Variants in RIBC2 observed in about 807,000 individuals in gnomAD.
The protein encoded by RIBC2 is RIB43A-like with coiled-coils protein 2.
Under a neutral mutation model 44.3 loss-of-function variants are expected in RIBC2, and 40 were observed. The observed-to-expected ratio is 0.90, with a 90% CI of 0.70 to 1.18. The LOEUF is 1.18. Ranked by LOEUF, RIBC2 falls within the 50% of genes most tolerant of loss-of-function variation. RIBC2 has a pLI of 0.00. For synonymous variants in RIBC2, 171 were observed against 175.0 expected, an observed-to-expected ratio of 0.98 and a Z score of 0.18; for missense variants, 459 against 485.5, an observed-to-expected ratio of 0.95 and a Z score of 0.51.
At chr22:45,430,636 C>T (rs1395020386) in intron 5 of RIBC2, among the ~76,000 whole-genome samples, 1 of 152,172 alleles carries the variant, frequency 6.6e-6, no homozygotes, top group Non-Finnish European at 1.5e-5. Context: ...GTGGAGGCTG[C>T]TGTAGGAATT....
At chr22:45,421,335 A>AATACTATTAT (rs1569208666) in intron 3 of RIBC2, among the ~76,000 whole-genome samples, 21 of 25,882 alleles carry the variant, frequency 8.1e-4, no homozygotes, top group Middle Eastern at 0.026. Context: ...ACTATTATTA[A>AATACTATTAT]TAATAATAAT....
intron 1 of RIBC2, 147 bp downstream of exon 1, chr22:45,414,162 C>T (rs943870556): frequency 4.1e-6 from 6 of 1,478,236 alleles, no homozygotes; most frequent in Admixed American, 2.5e-5. Flanking sequence ...TGCTCCCTCT[C>T]GAGCTCGCCT....
intron 4 of RIBC2, among the ~76,000 whole-genome samples, chr22:45,425,583 A>T (rs1004791068): frequency 3.9e-5 from 6 of 152,204 alleles, no homozygotes; most frequent in Admixed American, 6.5e-5. Flanking sequence ...CAGCCCACAG[A>T]TGTCCAAGGG....
Position 45,417,807 on chromosome 22 carries a change from G to A in RIBC2, c.417G>A (p.Thr139=), listed in dbSNP as rs12172195. Residue 139 remains threonine, a synonymous_variant, in exon 3 of 7, where the codon ACG becomes ACA. Coordinates refer to ENST00000614167, the MANE Select transcript of RIBC2 (RefSeq NM_015653.5). Reference sequence around the variant, plus strand: ...AGTCAGATAATGATGTTCGGAATACGATATCAGGAATGCAGAAATTCATGG... The same window carrying A: ...AGTCAGATAATGATGTTCGGAATACAATATCAGGAATGCAGAAATTCATGG... ...ARQSDNDVRN[T]ISGMQKFMGE... 233,868 of 1,613,874 alleles carry A rather than the reference G, an allele frequency of 0.14. 17,704 individuals carry two copies. Among genetic ancestry groups the A allele is most frequent in the Middle Eastern group, 0.22 (1,339 of 6,062 alleles).
chr22:45,431,945 C>T (rs2087584039), intron 6 of RIBC2, among the ~76,000 whole-genome samples: 1 of 152,182 alleles, frequency 6.6e-6, no homozygotes, highest in Non-Finnish European at 1.5e-5. Flanking sequence ...TGCACTCCAC[C>T]CTGGGTGGCA....
At chr22:45,419,968 G>A (rs1211173354) in intron 3 of RIBC2, among the ~76,000 whole-genome samples, 1 of 152,208 alleles carries the variant, frequency 6.6e-6, no homozygotes, top group East Asian at 1.9e-4. Context: ...GGAGCTTGCA[G>A]TGAGCTGAGA....
intron 4 of RIBC2, among the ~76,000 whole-genome samples, chr22:45,423,887 T>G (rs1479488919): frequency 3.3e-5 from 5 of 152,154 alleles, no homozygotes; most frequent in African/African-American, 1.2e-4. Context: ...CCCTTGACAA[T>G]TAGTCCACTG....
rs59918831 is a variant in RIBC2 at position 45,415,603 on chromosome 22, GTA to G, written c.211+1221_211+1222del. 4.8e-3 allele frequency among the ~76,000 whole-genome samples: 716 copies of G among 149,226 alleles called. 6 individuals carry two copies. Among genetic ancestry groups the G allele is most frequent in the Middle Eastern group, 0.014 (4 of 288 alleles). On this transcript the variant is annotated intron_variant, in intron 2 of 6. Transcript: ENST00000614167. ...TGAGAATTGTGTTTTTTATATATGT[GTA>G]TATATATATATATATATATAACAAC...
intron 6 of RIBC2, 140 bp downstream of exon 6, chr22:45,431,206 T>G: frequency 2.0e-6 from 2 of 1,017,278 alleles, no homozygotes; most frequent in Non-Finnish European, 2.8e-6. Flanking sequence ...GGACCTCAAG[T>G]GGGCTGGCTT....
At chr22:45,419,904 T>TA (rs770824154) in intron 3 of RIBC2, among the ~76,000 whole-genome samples, 7 of 152,218 alleles carry the variant, frequency 4.6e-5, no homozygotes, top group Non-Finnish European at 8.8e-5. Context: ...CGGGTGCCTG[T>TA]AGTCCCAGCT....
At chr22:45,414,197 C>G (rs984691919) in intron 1 of RIBC2, 125 bp from the exon 2 acceptor site, 1 of 1,480,730 alleles carries the variant, frequency 6.8e-7, no homozygotes, top group Admixed American at 2.5e-5. Flanking sequence ...TTCTCCTCCC[C>G]TGAGCCAGAT....
chr22:45,420,171 C>A (rs1388357413), intron 3 of RIBC2, among the ~76,000 whole-genome samples: 1 of 152,202 alleles, frequency 6.6e-6, no homozygotes, highest in Non-Finnish European at 1.5e-5. Flanking sequence ...ATGCTGCCCT[C>A]TCACTCCATT....
intron 2 of RIBC2, among the ~76,000 whole-genome samples, chr22:45,415,710 T>A (rs2087418556): frequency 6.6e-6 from 1 of 152,158 alleles, no homozygotes; most frequent in Admixed American, 6.5e-5. Context: ...TTTTTTCTAT[T>A]TTCTTTTGAG....
chr22:45,421,634 G>C (rs1239747971), intron 3 of RIBC2, among the ~76,000 whole-genome samples: 2 of 149,586 alleles, frequency 1.3e-5, no homozygotes, highest in East Asian at 2.0e-4. Flanking sequence ...CTGCAAAGGA[G>C]GTATGTCCTG....
chr22:45,422,343 C>T lies in RIBC2; in HGVS notation c.610C>T (p.Gln204Ter), dbSNP rs1602116155. 6.2e-7 allele frequency: 1 copy of T among 1,614,098 alleles called. No individual in the cohort carries two copies. The highest frequency in any genetic ancestry group is 2.2e-5 in the East Asian group (1 of 44,886). ...LQFDETAKHL[Q>*]KLESTTRKAV... ...GTTTGACGAGACAGCCAAGCACCTC[C>T]AGAAGCTGGAAAGCACCACCAGAAA... Residue 204 changes from glutamine to a stop codon, truncating the protein, a stop_gained, in exon 4 of 7, where the codon CAG becomes TAG. Coordinates refer to ENST00000614167, the MANE Select transcript of RIBC2 (RefSeq NM_015653.5). LOFTEE classifies it high-confidence loss of function.
intron 2 of RIBC2, among the ~76,000 whole-genome samples, chr22:45,415,512 T>C (rs1602110242): frequency 6.6e-6 from 1 of 152,196 alleles, no homozygotes; most frequent in South Asian, 2.1e-4. Context: ...CAGGTACATA[T>C]GTACCCACCA....
chr22:45,425,902 C>T (rs1245866640), intron 4 of RIBC2, 46 bp from the exon 5 acceptor site: 34 of 1,537,368 alleles, frequency 2.2e-5, no homozygotes, highest in Non-Finnish European at 2.8e-5. Flanking sequence ...TCAGAATGCC[C>T]CTGGGGTCAC....
chr22:45,418,038 T>TA (rs2087443759), intron 3 of RIBC2, 92 bp downstream of exon 3: 3 of 936,860 alleles, frequency 3.2e-6, no homozygotes, highest in Non-Finnish European at 4.7e-6. Flanking sequence ...CCCTACAGTT[T>TA]TTTTTTTTTT....
rs1432293646 is a variant in RIBC2 at position 45,419,110 on chromosome 22, TC to T, written c.556+1165del. On this transcript the variant is annotated intron_variant, in intron 3 of 6. Coordinates refer to ENST00000614167, the MANE Select transcript of RIBC2 (RefSeq NM_015653.5). ...CAGTGCTCTCCTCTACCAGCTAAAC[TC>T]ACCCGAGTGATCTTGTCCGGTCTCA... Among the ~76,000 whole-genome samples, 8 of 152,340 alleles carry T rather than the reference TC, an allele frequency of 5.3e-5. No homozygotes were observed. The South Asian group carries it at 8.3e-4, about 16-fold the overall frequency.
Sources: gnomAD v4.1 joint callset for allele counts (sites outside exome capture counted in the v4.1 genomes callset) on GRCh38, gnomAD v4.1.1 for gene constraint, MANE v1.5 for transcripts, NCBI Gene and HGNC (gene_info 2026-07-23, HGNC 2026-07-21) for gene names.